The following RPS6KC1 variants were observed in gnomAD, a reference collection of about 807,000 sequenced individuals.
RPS6KC1 encodes ribosomal protein S6 kinase C1.
RPS6KC1 carries 54 observed loss-of-function variants against 103.8 expected under a neutral mutation model. The ratio of observed to expected loss-of-function variants is 0.52; its 90% CI spans 0.42 to 0.65. RPS6KC1 has a LOEUF of 0.65. Ranked by LOEUF, RPS6KC1 falls within the 30% of genes least tolerant of loss-of-function variation. RPS6KC1 has a pLI of 0.00. For missense variants in RPS6KC1, 1,151 were observed against 1,253.8 expected (o/e 0.92, Z 1.24); for synonymous variants, 439 against 438.7 (o/e 1.00, Z -0.01).
the RPS6KC1 span, among the ~76,000 whole-genome samples, chr1:213,527,204 T>C: frequency 5.3e-5 from 8 of 152,238 alleles, no homozygotes; most frequent in Non-Finnish European, 8.8e-5. Context: ...TGACTACCCA[T>C]GCACAATGCA....
At chr1:213,839,370 T>A in the RPS6KC1 span, among the ~76,000 whole-genome samples, 1 of 152,198 alleles carries the variant, frequency 6.6e-6, no homozygotes, top group Non-Finnish European at 1.5e-5. Context: ...AGGCTAGGAT[T>A]GTTGAATGTC....
chr1:213,418,693 T>C, the RPS6KC1 span, among the ~76,000 whole-genome samples: 1 of 152,184 alleles, frequency 6.6e-6, no homozygotes, highest in Non-Finnish European at 1.5e-5. Context: ...TCCAGGGTGT[T>C]GAGTTCCCTT....
chr1:213,836,708 A>G, the RPS6KC1 span, among the ~76,000 whole-genome samples: 1 of 152,200 alleles, frequency 6.6e-6, no homozygotes, highest in Non-Finnish European at 1.5e-5. Context: ...TACTATTGCC[A>G]TATGTGACTC....
intron 1 of RPS6KC1, among the ~76,000 whole-genome samples, chr1:213,056,901 C>T (rs1164677464): frequency 6.7e-6 from 1 of 148,260 alleles, no homozygotes; most frequent in Non-Finnish European, 1.5e-5. Flanking sequence ...TCTTGTATCT[C>T]CTCCGTTATC....
At chr1:213,355,197 A>T in the RPS6KC1 span, among the ~76,000 whole-genome samples, 2 of 151,922 alleles carry the variant, frequency 1.3e-5, no homozygotes, top group African/African-American at 4.8e-5. Flanking sequence ...TGCCTGGGAG[A>T]CAGAGTGAGA....
the RPS6KC1 span, among the ~76,000 whole-genome samples, chr1:213,812,970 C>T: frequency 5.3e-5 from 8 of 152,136 alleles, no homozygotes; most frequent in East Asian, 1.2e-3. Flanking sequence ...CTAAAGATGT[C>T]GGCCGGGCAC....
At chr1:213,445,734 C>T in the RPS6KC1 span, among the ~76,000 whole-genome samples, 3 of 152,278 alleles carry the variant, frequency 2.0e-5, no homozygotes, top group Non-Finnish European at 2.9e-5. Flanking sequence ...TATTGTGGCC[C>T]ACACTTTCGC....
the RPS6KC1 span, among the ~76,000 whole-genome samples, chr1:213,426,448 T>C: frequency 1.3e-5 from 2 of 152,062 alleles, no homozygotes; most frequent in South Asian, 4.2e-4. Context: ...CTCAAGTGAG[T>C]TTTTGCGGTC....
chr1:213,507,407 G>T, the RPS6KC1 span, among the ~76,000 whole-genome samples: 1 of 152,192 alleles, frequency 6.6e-6, no homozygotes, highest in Non-Finnish European at 1.5e-5. Context: ...GACCTGGGTA[G>T]AGGTAAAACT....
chr1:213,510,332 A>G, the RPS6KC1 span, among the ~76,000 whole-genome samples: 1 of 152,200 alleles, frequency 6.6e-6, no homozygotes, highest in African/African-American at 2.4e-5. Flanking sequence ...GACTTCTTTT[A>G]TCCAAAAGTT....
chr1:213,164,602 G>GTGCAGTGGTTCA (rs1433343727), intron 6 of RPS6KC1, among the ~76,000 whole-genome samples: 1 of 152,166 alleles, frequency 6.6e-6, no homozygotes, highest in East Asian at 1.9e-4. Flanking sequence ...CCAGGTTGGA[G>GTGCAGTGGTTCA]TGCAGTGGTT....
chr1:213,119,555 A>AT (rs1276751316), intron 5 of RPS6KC1, among the ~76,000 whole-genome samples: 2 of 146,348 alleles, frequency 1.4e-5, no homozygotes, highest in Non-Finnish European at 1.5e-5. Context: ...TCTTTTCTCT[A>AT]TTTTTTTGAT....
At chr1:213,293,221 A>G in the RPS6KC1 span, among the ~76,000 whole-genome samples, 1 of 152,210 alleles carries the variant, frequency 6.6e-6, no homozygotes, top group Non-Finnish European at 1.5e-5. Context: ...AACCACTTTA[A>G]TTGGTAGTAA....
chr1:213,231,171 T>A (rs1004696126), intron 9 of RPS6KC1, among the ~76,000 whole-genome samples: 1 of 152,212 alleles, frequency 6.6e-6, no homozygotes, highest in African/African-American at 2.4e-5. Context: ...TTTAAATACA[T>A]CTCAAGAACA....
At chr1:213,479,778 G>T in the RPS6KC1 span, among the ~76,000 whole-genome samples, 1 of 151,590 alleles carries the variant, frequency 6.6e-6, no homozygotes, top group East Asian at 1.9e-4. Flanking sequence ...TTTACATTTA[G>T]ATATTTAATT....
the RPS6KC1 span, among the ~76,000 whole-genome samples, chr1:213,686,804 T>C: frequency 4.6e-5 from 7 of 152,306 alleles, no homozygotes; most frequent in South Asian, 1.2e-3. Context: ...CATAGCTCCC[T>C]TGGGGCAGCT....
chr1:213,081,993 C>G (rs2079936397), intron 3 of RPS6KC1, among the ~76,000 whole-genome samples: 1 of 152,114 alleles, frequency 6.6e-6, no homozygotes. Flanking sequence ...TGTAAGCTAC[C>G]ATGTTTTGGG....
the RPS6KC1 span, among the ~76,000 whole-genome samples, chr1:213,283,425 G>A: frequency 3.3e-5 from 5 of 152,188 alleles, no homozygotes; most frequent in African/African-American, 1.2e-4. Context: ...AGTACAAGCA[G>A]TTGGGGACGA....
the RPS6KC1 span, among the ~76,000 whole-genome samples, chr1:213,585,726 T>C: frequency 3.4e-3 from 522 of 152,238 alleles, 6 homozygotes; most frequent in African/African-American, 0.012. Flanking sequence ...TCCTGAGGCC[T>C]CCCTACTCCA....
Sources: allele counts gnomAD v4.1 joint callset (sites outside exome capture counted in the v4.1 genomes callset), GRCh38; gene constraint gnomAD v4.1.1; transcripts MANE v1.5; gene names NCBI Gene and HGNC (gene_info 2026-07-23, HGNC 2026-07-21).